TBC1D19: variants seen among roughly 807,000 people sequenced by gnomAD.
The protein encoded by TBC1D19 is TBC1 domain family member 19.
A neutral mutation model predicts 89.0 loss-of-function variants in TBC1D19; 60 were observed. The observed-to-expected ratio is 0.67, with a 90% CI of 0.55 to 0.84. The LOEUF (loss-of-function observed/expected upper bound fraction) is 0.84, where lower values mean the gene tolerates loss of function less well. Among genes scored for constraint, TBC1D19 ranks in the 40% least tolerant of loss-of-function variants. The pLI, the probability that TBC1D19 is intolerant of heterozygous loss-of-function variation, is 0.00. For missense variants in TBC1D19, 500 were observed against 610.8 expected, an observed-to-expected ratio of 0.82 and a Z score of 1.91; for synonymous variants, 189 against 199.7, an observed-to-expected ratio of 0.95 and a Z score of 0.45.
At chr4:26,815,287 C>T in the TBC1D19 span, among the ~76,000 whole-genome samples, 3 of 152,162 alleles carry the variant, frequency 2.0e-5, no homozygotes, top group African/African-American at 7.2e-5. Context: ...AAGCTTGGCC[C>T]AAAATGCTGA....
chr4:26,636,742 A>G (rs1743157486), intron 4 of TBC1D19, among the ~76,000 whole-genome samples: 1 of 152,122 alleles, frequency 6.6e-6, no homozygotes, highest in Non-Finnish European at 1.5e-5. Flanking sequence ...TTCTAAGAAT[A>G]TGCATGCTGA....
chr4:26,682,351 A>T (rs913058967), intron 11 of TBC1D19, among the ~76,000 whole-genome samples: 1 of 152,220 alleles, frequency 6.6e-6, no homozygotes, highest in Non-Finnish European at 1.5e-5. Context: ...AATTTAAATG[A>T]CTAAAAATAG....
At chr4:26,856,463 A>G in the TBC1D19 span, among the ~76,000 whole-genome samples, 1 of 152,196 alleles carries the variant, frequency 6.6e-6, no homozygotes, top group Non-Finnish European at 1.5e-5. Flanking sequence ...TCATTGACAT[A>G]CTGATTTCCA....
the TBC1D19 span, among the ~76,000 whole-genome samples, chr4:26,766,879 C>T: frequency 3.3e-5 from 5 of 152,146 alleles, no homozygotes; most frequent in East Asian, 1.9e-4. Context: ...AAACACTTTA[C>T]GAAGAAGAAG....
chr4:26,696,771 C>G (rs895441375), intron 13 of TBC1D19, among the ~76,000 whole-genome samples: 1 of 152,042 alleles, frequency 6.6e-6, no homozygotes. Flanking sequence ...GGGTACATAA[C>G]GAAATGAAGG....
chr4:26,842,639 T>TCTTTCTTTCTTC, the TBC1D19 span, among the ~76,000 whole-genome samples: 22 of 147,328 alleles, frequency 1.5e-4, no homozygotes, highest in African/African-American at 5.1e-4. Context: ...TTTCTTTCTT[T>TCTTTCTTTCTTC]CTTTCTTTTT....
intron 1 of TBC1D19, among the ~76,000 whole-genome samples, chr4:26,594,355 G>A (rs949576371): frequency 6.6e-6 from 1 of 152,110 alleles, no homozygotes; most frequent in Non-Finnish European, 1.5e-5. Context: ...TTGGTGGAGA[G>A]GGGAGGGATA....
chr4:26,591,267 A>G (rs1292778927), intron 1 of TBC1D19, among the ~76,000 whole-genome samples: 1 of 151,918 alleles, frequency 6.6e-6, no homozygotes, highest in Non-Finnish European at 1.5e-5. Context: ...TATTGTATAG[A>G]TGTACCACAG....
chr4:26,814,957 G>T, the TBC1D19 span, among the ~76,000 whole-genome samples: 2 of 151,962 alleles, frequency 1.3e-5, no homozygotes, highest in South Asian at 4.1e-4. Context: ...AGGAAGTTGA[G>T]GCTGCAGTGA....
In TBC1D19 at chr4:26,754,961, C is replaced by A; in HGVS notation, c.*14C>A. 6.3e-7 allele frequency: 1 copy of A among 1,590,912 alleles called. No individual in the cohort carries two copies. The highest frequency in any genetic ancestry group is 1.1e-5 in the South Asian group (1 of 87,274). On this transcript the variant is annotated 3_prime_UTR_variant, in exon 21 of 21. Transcript: ENST00000264866. ...ACTGTCACCTGATCTTCTTCACAGT[C>A]ACTGGCAACACATCTAGTTTTTCAT...
chr4:26,627,817 T>G (rs968697083), intron 4 of TBC1D19, among the ~76,000 whole-genome samples: 163 of 152,230 alleles, frequency 1.1e-3, no homozygotes, highest in Non-Finnish European at 1.6e-3. Flanking sequence ...TTGTGAAAAT[T>G]TTCTCCCATT....
intron 6 of TBC1D19, 142 bp from the exon 7 acceptor site, chr4:26,639,999 A>G (rs1743391780): frequency 3.5e-6 from 2 of 565,306 alleles, no homozygotes; most frequent in East Asian, 6.2e-5. Context: ...TGTTCTCTGT[A>G]CTTAATGCAG....
chr4:26,825,705 C>T, the TBC1D19 span, among the ~76,000 whole-genome samples: 23 of 152,094 alleles, frequency 1.5e-4, no homozygotes, highest in Non-Finnish European at 3.1e-4. Context: ...GGTGCAACTC[C>T]CAGCCCTACC....
intron 8 of TBC1D19, among the ~76,000 whole-genome samples, chr4:26,662,360 G>T (rs1329258331): frequency 6.6e-6 from 1 of 152,106 alleles, no homozygotes; most frequent in Non-Finnish European, 1.5e-5. Context: ...CATATCAATA[G>T]ATGAGTTGAA....
At chr4:26,851,061 T>A in the TBC1D19 span, among the ~76,000 whole-genome samples, 143 of 152,354 alleles carry the variant, frequency 9.4e-4, no homozygotes, top group Non-Finnish European at 1.2e-3. Flanking sequence ...TCTGCTGCCC[T>A]TGGACATCAC....
In TBC1D19 at chr4:26,677,693, G is replaced by T. The variant is rs370841918; in HGVS notation, c.816+3805G>T. Among the ~76,000 whole-genome samples, 34 of 152,254 alleles carry T rather than the reference G, an allele frequency of 2.2e-4. 1 individual carries two copies. The East Asian group carries it at 6.0e-3, about 27-fold the overall frequency. The stretch of plus-strand genomic sequence containing the variant: ...TGTGTCATGGGAGGGACTAGGTGGA[G>T]ATAATTAAATCATGGGAGCAGTTTC... On this transcript the variant is annotated intron_variant, in intron 11 of 20. Coordinates refer to ENST00000264866, the MANE Select transcript of TBC1D19 (RefSeq NM_018317.4).
chr4:26,793,846 G>A, the TBC1D19 span, among the ~76,000 whole-genome samples: 3 of 152,042 alleles, frequency 2.0e-5, no homozygotes, highest in African/African-American at 4.8e-5. Flanking sequence ...TGACAGTTCC[G>A]GATCAACTTA....
upstream of TBC1D19, among the ~76,000 whole-genome samples, chr4:26,583,035 A>G (rs907628344): frequency 6.6e-6 from 1 of 152,174 alleles, no homozygotes; most frequent in Non-Finnish European, 1.5e-5. Flanking sequence ...ATTTGATTGA[A>G]TGAGATCTCT....
At chr4:26,730,337 A>C (rs1370058008) in intron 15 of TBC1D19, among the ~76,000 whole-genome samples, 1 of 152,230 alleles carries the variant, frequency 6.6e-6, no homozygotes, top group Non-Finnish European at 1.5e-5. Flanking sequence ...ATTAAAAGAC[A>C]GTAAGATAGG....
Sources: gnomAD v4.1 joint callset for allele counts (sites outside exome capture counted in the v4.1 genomes callset) on GRCh38, gnomAD v4.1.1 for gene constraint, MANE v1.5 for transcripts, NCBI Gene and HGNC (gene_info 2026-07-23, HGNC 2026-07-21) for gene names.